The following ROBO2 variants were observed in gnomAD, a reference collection of about 807,000 sequenced individuals.
The protein encoded by ROBO2 is roundabout guidance receptor 2, also known as roundabout homolog 2.
ROBO2 carries 53 observed loss-of-function variants against 160.8 expected under a neutral mutation model. That is an observed-to-expected ratio of 0.33 (90% CI 0.26 to 0.41). The LOEUF (loss-of-function observed/expected upper bound fraction) is 0.41. ROBO2 is among the 10% of genes least tolerant of loss of function. ROBO2 has a pLI of 1.00. For synonymous variants in ROBO2, 664 were observed against 611.7 expected, an observed-to-expected ratio of 1.09 and a Z score of -1.26; for missense variants, 1,577 against 1,722.4, an observed-to-expected ratio of 0.92 and a Z score of 1.49.
chr3:77,596,530 C>T (rs932681604), intron 18 of ROBO2, 93 bp from the exon 20 acceptor site: 13 of 1,482,590 alleles, frequency 8.8e-6, no homozygotes, highest in Non-Finnish European at 1.0e-5. Flanking sequence ...CAATGAAAAT[C>T]TTCCATTTCT....
rs923555294 is a variant in ROBO2 at position 77,437,660 on chromosome 3, C to T, written c.389-39754C>T. ...AAAGCTCCTTTATTACATTATTCAT[C>T]GTAAGCTTACAGATAAGTGAGAGAA... On this transcript the variant is annotated intron_variant, in intron 2 of 25. Coordinates refer to ENST00000461745, the Ensembl canonical transcript of ROBO2. 3.9e-5 allele frequency among the ~76,000 whole-genome samples: 6 copies of T among 152,024 alleles called. No individual in the cohort carries two copies. In the East Asian group the frequency reaches 5.8e-4, roughly 15 times the overall value.
chr3:76,080,213 C>T (rs2068777455), intron 2 of ROBO2, among the ~76,000 whole-genome samples: 1 of 152,156 alleles, frequency 6.6e-6, no homozygotes, highest in Non-Finnish European at 1.5e-5. Context: ...CCCTGCCTGA[C>T]TATCTGACCC....
chr3:76,472,965 T>C (rs1239413645), intron 2 of ROBO2, among the ~76,000 whole-genome samples: 1 of 152,156 alleles, frequency 6.6e-6, no homozygotes, highest in African/African-American at 2.4e-5. Context: ...GGTCAAAGAA[T>C]CGAGAAGACT....
chr3:76,752,597 A>T (rs948378124), intron 2 of ROBO2, among the ~76,000 whole-genome samples: 6 of 152,030 alleles, frequency 3.9e-5, no homozygotes, highest in Admixed American at 3.9e-4. Context: ...TCATCCTTAA[A>T]GAATTAGAAT....
chr3:76,358,676 A>T (rs573578046), intron 2 of ROBO2, among the ~76,000 whole-genome samples: 22 of 152,152 alleles, frequency 1.4e-4, no homozygotes, highest in African/African-American at 5.1e-4. Flanking sequence ...ACATTTGCTC[A>T]ATATATATGT....
rs144730124 is a variant in ROBO2, at chr3:76,976,781, G to A, written c.110-121233G>A. 7.5e-3 allele frequency among the ~76,000 whole-genome samples: 1,143 copies of A among 152,186 alleles called. 6 individuals carry two copies. Among genetic ancestry groups the A allele is most frequent in the Non-Finnish European group, 0.01 (712 of 67,976 alleles). On this transcript the variant is annotated intron_variant, in intron 2 of 26. Coordinates refer to the ROBO2 transcript ENST00000487694. ...ACCAAACACATTCTTATTTTGCACCGTAAATTTCATTGCTAAGAGGAATTT... is the reference window on the plus strand; with the variant it reads ...ACCAAACACATTCTTATTTTGCACCATAAATTTCATTGCTAAGAGGAATTT...
chr3:77,034,279 T>A (rs995997478), intron 2 of ROBO2, among the ~76,000 whole-genome samples: 2 of 151,554 alleles, frequency 1.3e-5, no homozygotes, highest in East Asian at 3.9e-4. Flanking sequence ...CACTTACGGA[T>A]GACAATGTGT....
intron 2 of ROBO2, among the ~76,000 whole-genome samples, chr3:76,953,543 A>T (rs555059126): frequency 6.6e-6 from 1 of 152,298 alleles, no homozygotes; most frequent in Admixed American, 6.5e-5. Context: ...TGTTGCTGAT[A>T]CTCATGTAAT....
intron 2 of ROBO2, among the ~76,000 whole-genome samples, chr3:77,207,445 G>C (rs963595374): frequency 2.0e-5 from 3 of 152,136 alleles, no homozygotes; most frequent in Non-Finnish European, 4.4e-5. Flanking sequence ...GTATTTAGAT[G>C]CTTAAATGCC....
intron 2 of ROBO2, among the ~76,000 whole-genome samples, chr3:76,429,502 T>G (rs1287972632): frequency 6.6e-6 from 1 of 152,178 alleles, no homozygotes; most frequent in African/African-American, 2.4e-5. Flanking sequence ...TTTTCTGGTT[T>G]GGTATGACAG....
chr3:77,229,596 G>A (rs566919260), intron 2 of ROBO2, among the ~76,000 whole-genome samples: 39 of 152,056 alleles, frequency 2.6e-4, no homozygotes, highest in African/African-American at 9.2e-4. Context: ...AGGAGGTAGA[G>A]GTTGCAGTGA....
At chr3:76,829,294 T>C (rs954718069) in intron 2 of ROBO2, among the ~76,000 whole-genome samples, 34 of 152,182 alleles carry the variant, frequency 2.2e-4, no homozygotes, top group African/African-American at 8.0e-4. Context: ...AGCCCAGTCA[T>C]ATCTTTTCAT....
chr3:76,653,202 C>T (rs2091332753), intron 2 of ROBO2, among the ~76,000 whole-genome samples: 1 of 151,838 alleles, frequency 6.6e-6, no homozygotes. Flanking sequence ...TCAATTAATT[C>T]ATTCATAAAA....
At chr3:76,315,460 C>T (rs2071936402) in intron 2 of ROBO2, among the ~76,000 whole-genome samples, 1 of 152,122 alleles carries the variant, frequency 6.6e-6, no homozygotes, top group Non-Finnish European at 1.5e-5. Flanking sequence ...GGTATTGCAA[C>T]ATTTTAATTC....
At chr3:75,940,084 A>C (rs920308576) in intron 2 of ROBO2, among the ~76,000 whole-genome samples, 2 of 152,166 alleles carry the variant, frequency 1.3e-5, no homozygotes, top group African/African-American at 4.8e-5. Context: ...GTATGAGTAA[A>C]TTATACTTTC....
chr3:77,253,387 T>G (rs2090594709), intron 2 of ROBO2, among the ~76,000 whole-genome samples: 1 of 152,200 alleles, frequency 6.6e-6, no homozygotes, highest in South Asian at 2.1e-4. Context: ...GAAAAATGAC[T>G]TCTCAAGAAG....
intron 2 of ROBO2, among the ~76,000 whole-genome samples, chr3:76,431,679 G>A (rs1382396631): frequency 6.6e-6 from 1 of 152,080 alleles, no homozygotes; most frequent in Admixed American, 6.6e-5. Flanking sequence ...TGCTGTTGAT[G>A]CCAAATGAGT....
intron 2 of ROBO2, among the ~76,000 whole-genome samples, chr3:76,686,800 AG>A (rs2092695517): frequency 1.3e-5 from 2 of 152,128 alleles, no homozygotes; most frequent in South Asian, 2.1e-4. Flanking sequence ...ATCTCAAAAA[AG>A]AAAAAGAAAA....
Position 76,869,472 on chromosome 3 carries a change from C to T in ROBO2, c.110-228542C>T, listed in dbSNP as rs1162840236. ...TCACGCCATTCTCCTGCCTCAGCCT[C>T]CCGAGTAGCTGGGACTACAGGCTCC... On this transcript the variant is annotated intron_variant, in intron 2 of 26. Transcript: ENST00000487694. Among the ~76,000 whole-genome samples the T allele has an allele frequency of 2.0e-5, 3 of 150,828 alleles. No individual in the cohort carries two copies. In the East Asian group the frequency reaches 5.9e-4, roughly 30 times the overall value.
Sources: gnomAD v4.1 joint callset for allele counts (sites outside exome capture counted in the v4.1 genomes callset) on GRCh38, gnomAD v4.1.1 for gene constraint, MANE v1.5 for transcripts, NCBI Gene and HGNC (gene_info 2026-07-23, HGNC 2026-07-21) for gene names.